The following LINGO2 variants were observed in gnomAD, a reference collection of about 807,000 sequenced individuals.
LINGO2 encodes the protein leucine-rich repeat and immunoglobulin-like domain-containing nogo receptor-interacting protein 2.
A neutral mutation model predicts 30.6 loss-of-function variants in LINGO2; 14 were observed. The ratio of observed to expected loss-of-function variants is 0.46; its 90% CI spans 0.30 to 0.72. The LOEUF is 0.72. LINGO2 is among the 30% of genes least tolerant of loss of function. The probability of loss-of-function intolerance (pLI) is 0.07; values close to 1 mark genes in which losing one functional copy is unlikely to be tolerated. For synonymous variants in LINGO2, 317 were observed against 288.5 expected, an observed-to-expected ratio of 1.10 and a Z score of -1.00; for missense variants, 729 against 751.7, an observed-to-expected ratio of 0.97 and a Z score of 0.35.
chr9:29,177,911 T>A, the LINGO2 span, among the ~76,000 whole-genome samples: 1 of 152,044 alleles, frequency 6.6e-6, no homozygotes, highest in Admixed American at 6.6e-5. Flanking sequence ...TTCATAATCA[T>A]ATCCTTTTCT....
intron 2 of LINGO2, among the ~76,000 whole-genome samples, chr9:28,383,918 T>G (rs1379501418): frequency 6.6e-6 from 1 of 152,036 alleles, no homozygotes; most frequent in African/African-American, 2.4e-5. Flanking sequence ...TAAAAGAATC[T>G]GGGGTAGAGA....
At chr9:29,091,772 C>T in the LINGO2 span, among the ~76,000 whole-genome samples, 43 of 152,162 alleles carry the variant, frequency 2.8e-4, no homozygotes, top group African/African-American at 9.6e-4. Flanking sequence ...ATTCATTCAC[C>T]TTGCCCATGA....
chr9:28,334,806 C>G (rs1564130098), intron 3 of LINGO2, among the ~76,000 whole-genome samples: 2 of 152,048 alleles, frequency 1.3e-5, no homozygotes, highest in African/African-American at 2.4e-5. Flanking sequence ...GGGTTTATGA[C>G]AGTGGGCATT....
At chr9:28,830,622 G>A in the LINGO2 span, among the ~76,000 whole-genome samples, 1 of 152,192 alleles carries the variant, frequency 6.6e-6, no homozygotes, top group Non-Finnish European at 1.5e-5. Context: ...GGGAATGAAT[G>A]AAAGATATTT....
At chr9:28,921,421 C>A in the LINGO2 span, among the ~76,000 whole-genome samples, 2 of 152,058 alleles carry the variant, frequency 1.3e-5, no homozygotes. Flanking sequence ...ACCACAATGA[C>A]CGACTGAGAC....
chr9:28,694,650 G>A, the LINGO2 span, among the ~76,000 whole-genome samples: 7 of 151,916 alleles, frequency 4.6e-5, no homozygotes, highest in Non-Finnish European at 1.0e-4. Flanking sequence ...GGCACAAGAA[G>A]TTAAATAACT....
the LINGO2 span, among the ~76,000 whole-genome samples, chr9:28,923,762 A>T: frequency 6.6e-6 from 1 of 152,174 alleles, no homozygotes. Flanking sequence ...CAACCAGAGA[A>T]CTTCTGGGTG....
In LINGO2 at chr9:28,304,822, G is replaced by A. The variant is rs370094355; in HGVS notation, c.-245-9456C>T. Among the ~76,000 whole-genome samples, 8 of 151,846 alleles carry A rather than the reference G, an allele frequency of 5.3e-5. No homozygotes were observed. The East Asian group carries it at 1.2e-3, about 22-fold the overall frequency. ...AACTCAAAGTAGCATGGAGTATGTC[G>A]AAGAGAATAACAAAAAATAAAGCAT... On this transcript the variant is annotated intron_variant, in intron 3 of 5. Transcript: ENST00000379992.
chr9:28,232,375 G>A (rs1395355694), intron 4 of LINGO2, among the ~76,000 whole-genome samples: 8 of 130,352 alleles, frequency 6.1e-5, no homozygotes, highest in African/African-American at 1.2e-4. Context: ...CTGAGGTTGC[G>A]CCACTGCACT....
the LINGO2 span, among the ~76,000 whole-genome samples, chr9:29,047,215 A>G: frequency 6.6e-6 from 1 of 152,126 alleles, no homozygotes; most frequent in South Asian, 2.1e-4. Flanking sequence ...TAAAAGAGAA[A>G]AACAACCCCA....
At chr9:29,037,581 C>T in the LINGO2 span, among the ~76,000 whole-genome samples, 5 of 152,012 alleles carry the variant, frequency 3.3e-5, no homozygotes, top group Non-Finnish European at 5.9e-5. Flanking sequence ...TATGCTTCCA[C>T]GTTATATGAA....
intron 1 of LINGO2, among the ~76,000 whole-genome samples, chr9:28,508,907 T>A (rs10435787): frequency 6.6e-6 from 1 of 152,202 alleles, no homozygotes; most frequent in Admixed American, 6.5e-5. Context: ...AGAATGGAAA[T>A]AATAAATTTA....
At chr9:28,774,817 T>G in the LINGO2 span, among the ~76,000 whole-genome samples, 1 of 149,526 alleles carries the variant, frequency 6.7e-6, no homozygotes, top group East Asian at 2.0e-4. Context: ...AATTGTGGGT[T>G]TTTCAAATCA....
rs1033139220 is a variant in LINGO2 at position 28,351,429 on chromosome 9, G to A, written c.-246+21407C>T. 4.7e-3 allele frequency among the ~76,000 whole-genome samples: 710 copies of A among 150,788 alleles called. 6 individuals carry two copies. Among genetic ancestry groups the A allele is most frequent in the African/African-American group, 0.016 (642 of 40,438 alleles). On this transcript the variant is annotated intron_variant, in intron 3 of 5. Coordinates refer to ENST00000379992, the Ensembl canonical transcript of LINGO2. ...AATGGATAAATTCCTCGACACATAC[G>A]CTCTCCCAAGACTAAACCAGGAAGA...
rs567252412 is a variant in LINGO2, at chr9:28,476,523, C to A, written c.-364-498G>T. 1.6e-3 allele frequency among the ~76,000 whole-genome samples: 239 copies of A among 152,298 alleles called. 1 individual carries two copies. Among genetic ancestry groups the A allele is most frequent in the African/African-American group, 5.4e-3 (225 of 41,566 alleles). On this transcript the variant is annotated intron_variant, in intron 1 of 5. Transcript: ENST00000379992. ...ATCTCCTGACCTCGTGATCCTCCCG[C>A]CGCGGCCTCCCAAAGTGCTGGGATT...
At chr9:29,039,318 T>C in the LINGO2 span, among the ~76,000 whole-genome samples, 1 of 152,176 alleles carries the variant, frequency 6.6e-6, no homozygotes, top group East Asian at 1.9e-4. Flanking sequence ...TCTTTGTATA[T>C]ATGCATAAGT....
At chr9:29,150,023 G>T in the LINGO2 span, among the ~76,000 whole-genome samples, 2 of 152,190 alleles carry the variant, frequency 1.3e-5, no homozygotes, top group African/African-American at 4.8e-5. Flanking sequence ...TAAAGGGGTT[G>T]TATCTCCCTA....
the LINGO2 span, among the ~76,000 whole-genome samples, chr9:29,177,087 T>TA: frequency 6.6e-6 from 1 of 152,186 alleles, no homozygotes; most frequent in Non-Finnish European, 1.5e-5. Context: ...CATTAAAGTA[T>TA]AGGTCAGCAA....
chr9:28,897,083 A>G, the LINGO2 span, among the ~76,000 whole-genome samples: 10 of 152,278 alleles, frequency 6.6e-5, no homozygotes, highest in East Asian at 1.9e-3. Flanking sequence ...AGAGTGAGAG[A>G]CTAGTATTCA....
Sources: gnomAD v4.1 joint callset for allele counts (sites outside exome capture counted in the v4.1 genomes callset) on GRCh38, gnomAD v4.1.1 for gene constraint, MANE v1.5 for transcripts, NCBI Gene and HGNC (gene_info 2026-07-23, HGNC 2026-07-21) for gene names.